The following ABI3BP variants were observed in gnomAD, a reference collection of about 807,000 sequenced individuals.
ABI3BP encodes the protein ABI family member 3 binding protein.
A neutral mutation model predicts 268.6 loss-of-function variants in ABI3BP; 216 were observed. That is an observed-to-expected ratio of 0.80 (90% CI 0.72 to 0.90). The LOEUF is 0.90. Ranked by LOEUF, ABI3BP falls within the 40% of genes least tolerant of loss-of-function variation. ABI3BP has a pLI of 0.00. For synonymous variants in ABI3BP, 730 were observed against 730.0 expected, an observed-to-expected ratio of 1.00 and a Z score of 0.00; for missense variants, 2,090 against 2,182.4, an observed-to-expected ratio of 0.96 and a Z score of 0.84.
intron 1 of ABI3BP, among the ~76,000 whole-genome samples, chr3:100,956,477 T>C (rs910366790): frequency 6.6e-6 from 1 of 152,164 alleles, no homozygotes; most frequent in Non-Finnish European, 1.5e-5. Flanking sequence ...AACTCTGTTC[T>C]TCCTGTCCTG....
intron 55 of ABI3BP, 32 bp downstream of exon 55, chr3:100,792,659 A>T (rs1188118882): frequency 6.3e-7 from 1 of 1,593,902 alleles, no homozygotes; most frequent in Non-Finnish European, 8.6e-7. Flanking sequence ...AATAAGGAAA[A>T]GTTATTCTCC....
At chr3:100,762,161 CTTTAT>C (rs1032437583) in intron 63 of ABI3BP, among the ~76,000 whole-genome samples, 8 of 152,056 alleles carry the variant, frequency 5.3e-5, no homozygotes, top group Admixed American at 1.3e-4. Context: ...CATACTTCCT[CTTTAT>C]TTTATGGTGT....
At chr3:100,967,229 C>T (rs1037997031) in intron 1 of ABI3BP, among the ~76,000 whole-genome samples, 3 of 152,086 alleles carry the variant, frequency 2.0e-5, no homozygotes, top group South Asian at 2.1e-4. Context: ...GGGCTAGGTG[C>T]GGTGGCTCAC....
chr3:100,937,752 G>A (rs1057247669), intron 1 of ABI3BP, among the ~76,000 whole-genome samples: 13 of 151,978 alleles, frequency 8.6e-5, no homozygotes, highest in African/African-American at 1.7e-4. Flanking sequence ...AGTTTCCAAC[G>A]TAGTCTATGC....
chr3:100,836,974 T>TA (rs1367776339), intron 27 of ABI3BP, 150 bp downstream of exon 27: 6 of 681,906 alleles, frequency 8.8e-6, no homozygotes, highest in East Asian at 5.6e-5. Flanking sequence ...CTAATGATGT[T>TA]AAAAAGGCCC....
chr3:100,905,192 A>G lies in ABI3BP; in HGVS notation c.260-2506T>C, dbSNP rs185300043. ...AACCAAACACCGCATGTTCTCACTC[A>G]TAGGTGGGAATTGAACAATGAGAAC... On this transcript the variant is annotated intron_variant, in intron 2 of 67. Coordinates refer to ENST00000471714, the MANE Select transcript of ABI3BP (RefSeq NM_001375547.2). Among the ~76,000 whole-genome samples, 788 of 152,214 alleles carry G rather than the reference A, an allele frequency of 5.2e-3. 10 individuals are homozygous for G. Among genetic ancestry groups the G allele is most frequent in the African/African-American group, 0.018 (751 of 41,510 alleles).
At chr3:100,889,429 A>G (rs2043462337) in intron 4 of ABI3BP, among the ~76,000 whole-genome samples, 1 of 152,166 alleles carries the variant, frequency 6.6e-6, no homozygotes, top group African/African-American at 2.4e-5. Flanking sequence ...TGGAAGAAAA[A>G]CAAAAGTAAT....
At chr3:100,823,367 A>G (rs2098282156) in intron 37 of ABI3BP, 91 bp downstream of exon 37, 4 of 1,151,082 alleles carry the variant, frequency 3.5e-6, no homozygotes, top group Non-Finnish European at 3.6e-6. Context: ...ATGGCCATCA[A>G]GAATGACACT....
chr3:100,939,923 TC>T (rs561126804), intron 1 of ABI3BP, among the ~76,000 whole-genome samples: 18 of 152,030 alleles, frequency 1.2e-4, no homozygotes, highest in Non-Finnish European at 2.4e-4. Context: ...AGGCGCATAT[TC>T]TCTTTCCCAG....
At chr3:100,763,463 C>CAAAAAAA (rs1418781949) in intron 63 of ABI3BP, among the ~76,000 whole-genome samples, 36 of 109,316 alleles carry the variant, frequency 3.3e-4, no homozygotes, top group Middle Eastern at 5.1e-3. Flanking sequence ...GACTCTGTCT[C>CAAAAAAA]AAAAAAAAAA....
chr3:100,873,108 G>C (rs894614686), intron 9 of ABI3BP, among the ~76,000 whole-genome samples: 1 of 152,228 alleles, frequency 6.6e-6, no homozygotes, highest in African/African-American at 2.4e-5. Context: ...GAACTTAAGA[G>C]CTTGCCTTTT....
intron 66 of ABI3BP, 39 bp downstream of exon 66, chr3:100,752,748 A>G: frequency 1.3e-6 from 2 of 1,598,212 alleles, no homozygotes; most frequent in Non-Finnish European, 1.7e-6. Flanking sequence ...ACATTCCCAT[A>G]AGTTAAGGGC....
intron 1 of ABI3BP, among the ~76,000 whole-genome samples, chr3:100,950,924 T>A (rs1388528197): frequency 7.9e-5 from 12 of 151,884 alleles, no homozygotes; most frequent in Non-Finnish European, 1.6e-4. Context: ...AACATTACAT[T>A]AATCCCAGCA....
chr3:100,961,656 A>G (rs1384358090), intron 1 of ABI3BP, among the ~76,000 whole-genome samples: 1 of 152,208 alleles, frequency 6.6e-6, no homozygotes, highest in African/African-American at 2.4e-5. Context: ...TGTTATAAAA[A>G]TTGAACTTTC....
chr3:100,763,527 G>C (rs2096096940), intron 63 of ABI3BP, among the ~76,000 whole-genome samples: 1 of 151,904 alleles, frequency 6.6e-6, no homozygotes, highest in Non-Finnish European at 1.5e-5. Flanking sequence ...TGCTAGTCTT[G>C]AGGTAAGGAT....
chr3:100,896,904 T>A (rs970183941), intron 4 of ABI3BP, among the ~76,000 whole-genome samples: 1 of 152,242 alleles, frequency 6.6e-6, no homozygotes, highest in African/African-American at 2.4e-5. Flanking sequence ...TTCCAAGTAT[T>A]CATCCCTTGA....
chr3:100,769,876 C>T (rs1366120816), intron 62 of ABI3BP, among the ~76,000 whole-genome samples: 2 of 152,208 alleles, frequency 1.3e-5, no homozygotes, highest in Non-Finnish European at 2.9e-5. Context: ...GCCGCTTACA[C>T]TGGAAGTTGC....
intron 14 of ABI3BP, among the ~76,000 whole-genome samples, chr3:100,853,038 G>C (rs2098878195): frequency 6.6e-6 from 1 of 152,174 alleles, no homozygotes; most frequent in Non-Finnish European, 1.5e-5. Flanking sequence ...AGTCATTGGG[G>C]TTACTTGTAA....
At chr3:100,878,539 C>T (rs1201783163) in intron 6 of ABI3BP, among the ~76,000 whole-genome samples, 2 of 152,060 alleles carry the variant, frequency 1.3e-5, no homozygotes, top group Admixed American at 1.3e-4. Flanking sequence ...TAGACATGCT[C>T]TTTCTTGGCA....
Sources: gnomAD v4.1 joint callset for allele counts (sites outside exome capture counted in the v4.1 genomes callset) on GRCh38, gnomAD v4.1.1 for gene constraint, MANE v1.5 for transcripts, NCBI Gene and HGNC (gene_info 2026-07-23, HGNC 2026-07-21) for gene names.